PARD3: variants seen among roughly 807,000 people sequenced by gnomAD.
PARD3 encodes the protein partitioning defective 3 homolog.
PARD3 carries 75 observed loss-of-function variants against 155.4 expected under a neutral mutation model. The observed-to-expected ratio is 0.48, with a 90% CI of 0.40 to 0.58. The LOEUF (loss-of-function observed/expected upper bound fraction) is 0.58. PARD3 is among the 20% of genes least tolerant of loss of function. PARD3 has a pLI of 0.00. For missense variants in PARD3, 1,642 were observed against 1,721.7 expected (o/e 0.95, Z 0.82); for synonymous variants, 576 against 610.5 (o/e 0.94, Z 0.83).
At chr10:34,114,908 TCCTGCAGTGAGCC>T (rs1346036958) in intron 24 of PARD3, among the ~76,000 whole-genome samples, 1 of 152,190 alleles carries the variant, frequency 6.6e-6, no homozygotes, top group Non-Finnish European at 1.5e-5. Context: ...GATTGTTTGG[TCCTGCAGTGAGCC>T]CCTGGACATT....
chr10:34,478,932 CAA>C (rs2078887160), intron 3 of PARD3, among the ~76,000 whole-genome samples: 1 of 152,066 alleles, frequency 6.6e-6, no homozygotes, highest in Non-Finnish European at 1.5e-5. Context: ...CTGAAACTGA[CAA>C]TATAACCACT....
At chr10:34,727,699 C>T (rs564690170) in intron 1 of PARD3, among the ~76,000 whole-genome samples, 2 of 152,250 alleles carry the variant, frequency 1.3e-5, no homozygotes, top group Admixed American at 1.3e-4. Flanking sequence ...CCCAATCACA[C>T]ACACTGTTGC....
chr10:34,241,745 T>C (rs1314289910), intron 22 of PARD3, among the ~76,000 whole-genome samples: 1 of 151,964 alleles, frequency 6.6e-6, no homozygotes, highest in Non-Finnish European at 1.5e-5. Context: ...GACATGGAAT[T>C]CAGGAGGGAG....
chr10:34,545,394 C>T (rs1307874622), intron 2 of PARD3, among the ~76,000 whole-genome samples: 1 of 152,186 alleles, frequency 6.6e-6, no homozygotes, highest in African/African-American at 2.4e-5. Context: ...AACACCAGCA[C>T]TGCCCCAAAG....
At chr10:34,724,340 C>G (rs2094661932) in intron 1 of PARD3, among the ~76,000 whole-genome samples, 1 of 152,148 alleles carries the variant, frequency 6.6e-6, no homozygotes, top group South Asian at 2.1e-4. Context: ...ATACAAGCAC[C>G]TACCCTCTTG....
intron 20 of PARD3, among the ~76,000 whole-genome samples, chr10:34,299,661 GATA>G (rs1427761687): frequency 6.6e-6 from 1 of 152,184 alleles, no homozygotes; most frequent in Non-Finnish European, 1.5e-5. Context: ...GAGAATAAAA[GATA>G]ATAAGACCTG....
At chr10:34,555,341 A>T (rs891979193) in intron 2 of PARD3, among the ~76,000 whole-genome samples, 1 of 152,176 alleles carries the variant, frequency 6.6e-6, no homozygotes, top group South Asian at 2.1e-4. Context: ...ATGAACTACG[A>T]TCCCATTCCA....
intron 22 of PARD3, among the ~76,000 whole-genome samples, chr10:34,189,650 G>T (rs1308438963): frequency 6.6e-6 from 1 of 152,154 alleles, no homozygotes; most frequent in African/African-American, 2.4e-5. Context: ...ATGTTTCCAT[G>T]ACCTACTGAA....
At chr10:34,394,407 C>T (rs1258009389) in intron 7 of PARD3, among the ~76,000 whole-genome samples, 1 of 152,002 alleles carries the variant, frequency 6.6e-6, no homozygotes, top group African/African-American at 2.4e-5. Flanking sequence ...CTCACTGCAG[C>T]CCCACACTCC....
chr10:34,645,496 G>A (rs558585392), intron 2 of PARD3, among the ~76,000 whole-genome samples: 7 of 152,288 alleles, frequency 4.6e-5, no homozygotes, highest in African/African-American at 1.7e-4. Context: ...GTGATCCACT[G>A]TGCCTGGCCA....
intron 22 of PARD3, among the ~76,000 whole-genome samples, chr10:34,198,578 C>CT (rs1228028682): frequency 1.3e-5 from 2 of 151,432 alleles, no homozygotes; most frequent in African/African-American, 4.9e-5. Context: ...TTTCTTTATA[C>CT]TTTTCTGCAT....
chr10:34,291,341 T>G (rs2133970073), intron 20 of PARD3, among the ~76,000 whole-genome samples: 1 of 152,350 alleles, frequency 6.6e-6, no homozygotes, highest in African/African-American at 2.4e-5. Flanking sequence ...TTAAAAGGTC[T>G]TAATTGGTCT....
chr10:34,681,730 T>TATATATATA (rs2093826746), intron 2 of PARD3, among the ~76,000 whole-genome samples: 4 of 29,974 alleles, frequency 1.3e-4, no homozygotes, highest in African/African-American at 3.1e-4. Context: ...CGTATGTATT[T>TATATATATA]TATATATATA....
intron 22 of PARD3, among the ~76,000 whole-genome samples, chr10:34,148,428 G>C (rs749905359): frequency 6.6e-6 from 1 of 152,064 alleles, no homozygotes; most frequent in Non-Finnish European, 1.5e-5. Context: ...TCATAATAGT[G>C]TCTCCATGGA....
chr10:34,280,549 A>T (rs752934967), intron 21 of PARD3, among the ~76,000 whole-genome samples: 2 of 152,200 alleles, frequency 1.3e-5, no homozygotes, highest in African/African-American at 2.4e-5. Context: ...AGCAGTGGTA[A>T]GCACGCACTT....
chr10:34,676,608 C>T (rs1285674529), intron 2 of PARD3, among the ~76,000 whole-genome samples: 5 of 152,208 alleles, frequency 3.3e-5, no homozygotes, highest in East Asian at 3.9e-4. Flanking sequence ...ACCACTGGAA[C>T]GACACGCAAT....
At chr10:34,159,981 G>T (rs779054264) in intron 22 of PARD3, among the ~76,000 whole-genome samples, 60 of 152,168 alleles carry the variant, frequency 3.9e-4, no homozygotes, top group Non-Finnish European at 7.6e-4. Flanking sequence ...TTTAAAATAA[G>T]CATGTTAATA....
At chr10:34,770,810 A>G (rs1033346550) in intron 1 of PARD3, among the ~76,000 whole-genome samples, 4 of 152,218 alleles carry the variant, frequency 2.6e-5, no homozygotes, top group Admixed American at 1.3e-4. Context: ...CCAAGACTCC[A>G]GACAGGGATG....
chr10:34,619,899 T>C (rs1455427395), intron 2 of PARD3, among the ~76,000 whole-genome samples: 2 of 152,118 alleles, frequency 1.3e-5, no homozygotes, highest in African/African-American at 2.4e-5. Context: ...TTGTATAAAA[T>C]AAGCTTACCT....
Sources: allele counts gnomAD v4.1 joint callset (sites outside exome capture counted in the v4.1 genomes callset), GRCh38; gene constraint gnomAD v4.1.1; transcripts MANE v1.5; gene names NCBI Gene and HGNC (gene_info 2026-07-23, HGNC 2026-07-21).